Variants in TIMM17B observed in about 807,000 individuals in gnomAD.
TIMM17B encodes the protein mitochondrial import inner membrane translocase subunit Tim17-B.
A neutral mutation model predicts 15.9 loss-of-function variants in TIMM17B; 10 were observed. The ratio of observed to expected loss-of-function variants is 0.63; its 90% CI spans 0.39 to 1.06. The LOEUF (loss-of-function observed/expected upper bound fraction) is 1.06, where lower values mean the gene tolerates loss of function less well. Among genes scored for constraint, TIMM17B ranks in the 50% least tolerant of loss-of-function variants. TIMM17B has a pLI of 0.01. For synonymous variants in TIMM17B, 57 were observed against 57.2 expected, an observed-to-expected ratio of 1.00 and a Z score of 0.02; for missense variants, 114 against 152.2, an observed-to-expected ratio of 0.75 and a Z score of 1.32.
intron 4 of TIMM17B, among the ~76,000 whole-genome samples, chrX:48,894,622 G>A (rs1411313737): frequency 8.9e-6 from 1 of 112,167 alleles, no homozygotes; most frequent in Non-Finnish European, 1.9e-5. Flanking sequence ...AGGGCTTACT[G>A]TGTGCCAGGA....
At chrX:48,897,036 T>C in intron 2 of TIMM17B, 178 bp from the exon 2 acceptor site, 1 of 1,006,390 alleles carries the variant, frequency 9.9e-7, no homozygotes, top group Non-Finnish European at 1.3e-6. Context: ...ACCCCCCCAT[T>C]AAAGCGAGAA....
chrX:48,895,343 A>G, intron 3 of TIMM17B: 1 of 512,491 alleles, frequency 2.0e-6, no homozygotes, highest in Non-Finnish European at 3.5e-6. Flanking sequence ...ATGATTAACA[A>G]GTACCTACTA....
rs1557039779 is a variant in TIMM17B at position 48,897,541 on chromosome X, C to A, written c.26+183G>T. The A allele has an allele frequency of 8.8e-6, 4 of 452,701 alleles. No individual in the cohort carries two copies. In the Admixed American group the frequency reaches 1.4e-4, roughly 16 times the overall value. The allele number at this position is 452,701 out of a possible 1,213,427, so 37.3% of individuals were successfully genotyped here. A position where few individuals can be genotyped will look rare whatever the true frequency, so the allele number is the denominator to read the frequency against. On this transcript the variant is annotated intron_variant, in intron 2 of 6. Coordinates refer to ENST00000376582, the Ensembl canonical transcript of TIMM17B. ...TGGTTCGGCCTTCGCCGCACCTTCT[C>A]TGGTTGTGGCCCCTCATAACGGAGC...
exon 3 of TIMM17B, chrX:48,896,765 G>A (rs201302590): frequency 8.3e-7 from 1 of 1,208,488 alleles, no homozygotes; most frequent in East Asian, 3.0e-5. Flanking sequence ...TCACAACAGG[G>A]GCATTGCGGA....
exon 2 of TIMM17B, chrX:48,897,760 T>A (rs371060234): frequency 9.1e-6 from 11 of 1,209,280 alleles, no homozygotes; most frequent in South Asian, 1.8e-5. Flanking sequence ...GGCGCTGGCG[T>A]CTGGCCGCGC....
At position 48,895,031 on chromosome X, in the gene TIMM17B, C is replaced by A; in HGVS notation, c.190+7G>T. On this transcript the variant is annotated splice_region_variant and intron_variant, in intron 4 of 6. Transcript: ENST00000376582. ...ATCTCCTATATCTATCTCCCCAAGTCCCTCACCTCCAATCTGGGGGGCTCG... is the reference window on the plus strand; with the variant it reads ...ATCTCCTATATCTATCTCCCCAAGTACCTCACCTCCAATCTGGGGGGCTCG... 1 of 1,192,392 alleles carries A rather than the reference C, an allele frequency of 8.4e-7. No homozygotes were observed. The highest frequency in any genetic ancestry group is 1.1e-6 in the Non-Finnish European group (1 of 883,481).
chrX:48,898,076 T>C, exon 1 of TIMM17B: 1 of 1,026,521 alleles, frequency 9.7e-7, no homozygotes, highest in East Asian at 4.0e-5. Flanking sequence ...CCTGCACGAG[T>C]GTATTGGTAA....
Position 48,897,960 on chromosome X carries a change from C to T in TIMM17B, c.-73+107G>A, listed in dbSNP as rs1028912875. On this transcript the variant is annotated intron_variant, in intron 1 of 6. Transcript: ENST00000376582. ...ACTTTCAGGCTCGGGGAGTGAAGGC[C>T]TCGTTGAGAGAAGGTCTCATTCGGT... 52 of 892,013 alleles carry T rather than the reference C, an allele frequency of 5.8e-5. No individual in the cohort carries two copies. In the Admixed American group the frequency reaches 1.2e-3, roughly 21 times the overall value. The allele number at this position is 892,013 out of a possible 1,213,427, so 73.5% of individuals were successfully genotyped here.
At position 48,895,593 on chromosome X, in the gene TIMM17B, G is replaced by T. The variant is rs782099516; in HGVS notation, c.127-492C>A. On this transcript the variant is annotated intron_variant, in intron 3 of 6. Coordinates refer to ENST00000376582, the Ensembl canonical transcript of TIMM17B. ...GGGGGAATCTGTGCTGAGACCTTGAGGATGACAAACTTGGGCAAAGATCCA... is the reference window on the plus strand; with the variant it reads ...GGGGGAATCTGTGCTGAGACCTTGATGATGACAAACTTGGGCAAAGATCCA... The T allele has an allele frequency of 7.9e-5, 37 of 469,498 alleles. No individual in the cohort carries two copies. The South Asian group carries it at 1.0e-3, about 13-fold the overall frequency. The allele number at this position is 469,498 out of a possible 1,213,427, so 38.7% of individuals were successfully genotyped here.
At chrX:48,894,987 C>T (rs2063300574) in intron 4 of TIMM17B, 51 bp downstream of exon 3, 2 of 1,081,311 alleles carry the variant, frequency 1.8e-6, no homozygotes, top group African/African-American at 1.8e-5. Context: ...GGATCAACCA[C>T]TCCCACCTTT....
rs782044580 is a variant in TIMM17B, at chrX:48,896,667, C to T, written c.126+92G>A. On this transcript the variant is annotated intron_variant, in intron 3 of 6. Transcript: ENST00000376582. ...GTGGGCACCAGAATGAATAAGTGCA[C>T]GTGACTGGCAGCTCCAAGCAGTTTT... 9.4e-6 allele frequency: 11 copies of T among 1,168,352 alleles called. No individual in the cohort carries two copies. In the East Asian group the frequency reaches 2.8e-4, roughly 30 times the overall value.
intron 2 of TIMM17B, chrX:48,897,248 C>T (rs1557039709): frequency 4.3e-6 from 1 of 231,399 alleles, no homozygotes; most frequent in East Asian, 9.5e-5. Flanking sequence ...ACGGTGAGCC[C>T]GTCCAACCAT....
intron 4 of TIMM17B, 69 bp from the exon 4 acceptor site, chrX:48,894,294 A>C: frequency 9.0e-7 from 1 of 1,115,964 alleles, no homozygotes; most frequent in Non-Finnish European, 1.2e-6. Flanking sequence ...GGGACTTCCA[A>C]GGCCTGAATG....
exon 7 of TIMM17B, chrX:48,893,711 A>AT: frequency 8.8e-7 from 1 of 1,137,513 alleles, no homozygotes; most frequent in Non-Finnish European, 1.2e-6. Flanking sequence ...AGTAGCTCCC[A>AT]TGGTGGCAGT....
chrX:48,896,524 A>T, intron 3 of TIMM17B: 2 of 614,857 alleles, frequency 3.3e-6, no homozygotes, highest in Non-Finnish European at 4.8e-6. Context: ...TTTGAACGAC[A>T]CAGCATTTCC....
At chrX:48,896,959 G>T (rs935315228) in intron 2 of TIMM17B, 101 bp from the exon 2 acceptor site, 135 of 1,154,401 alleles carry the variant, frequency 1.2e-4, no homozygotes, top group Non-Finnish European at 1.5e-4. Context: ...ACCAGAATGG[G>T]AAGTTCCTAA....
chrX:48,895,312 GTTCA>G (rs782709911), intron 3 of TIMM17B: 1 of 507,558 alleles, frequency 2.0e-6, no homozygotes, highest in South Asian at 2.5e-5. Flanking sequence ...TCATACATTT[GTTCA>G]TTCATTCATT....
chrX:48,894,253 TC>T (rs782209332), intron 4 of TIMM17B, 28 bp from the exon 4 acceptor site: 3 of 1,196,814 alleles, frequency 2.5e-6, no homozygotes, highest in Non-Finnish European at 2.3e-6. Flanking sequence ...CCTAATTAGT[TC>T]CTGGGAAATC....
rs782562521 is a variant in TIMM17B at position 48,897,769 on chromosome X, G to T, written c.-20C>A. On this transcript the variant is annotated 5_prime_UTR_variant, in exon 2 of 7. Transcript: ENST00000376582. ...CTCCATGGCGCTGGCGTCTGGCCGC[G>T]CAGTCAGGCCACGCCCCCAGCGTAG... The T allele has an allele frequency of 8.3e-7, 1 of 1,207,005 alleles. No individual in the cohort carries two copies. Among genetic ancestry groups the T allele is most frequent in the Admixed American group, 2.2e-5 (1 of 45,798 alleles).
Sources: allele counts gnomAD v4.1 joint callset (sites outside exome capture counted in the v4.1 genomes callset), GRCh38; gene constraint gnomAD v4.1.1; transcripts MANE v1.5; gene names NCBI Gene and HGNC (gene_info 2026-07-23, HGNC 2026-07-21).